PDE7B: variants seen among roughly 807,000 people sequenced by gnomAD.
PDE7B encodes the protein phosphodiesterase 7B, also known as 3',5'-cyclic-AMP phosphodiesterase 7B.
PDE7B carries 29 observed loss-of-function variants against 56.2 expected under a neutral mutation model. The observed-to-expected ratio is 0.52, with a 90% confidence interval of 0.38 to 0.70. The LOEUF (loss-of-function observed/expected upper bound fraction) is 0.70. Among genes scored for constraint, PDE7B ranks in the 30% least tolerant of loss-of-function variants. The pLI is 0.00. For synonymous variants in PDE7B, 197 were observed against 196.9 expected (o/e 1.00, Z 0.00); for missense variants, 490 against 565.0 (o/e 0.87, Z 1.35).
chr6:136,092,697 G>T (rs1777408904), intron 2 of PDE7B, among the ~76,000 whole-genome samples: 1 of 152,132 alleles, frequency 6.6e-6, no homozygotes. Flanking sequence ...GGAGGCGGAG[G>T]TTGCAGTGAG....
chr6:136,068,658 C>T (rs1365006581), intron 2 of PDE7B, among the ~76,000 whole-genome samples: 2 of 152,060 alleles, frequency 1.3e-5, no homozygotes, highest in Non-Finnish European at 1.5e-5. Flanking sequence ...GTCTCAATCT[C>T]TTGACCTTGT....
intron 2 of PDE7B, among the ~76,000 whole-genome samples, chr6:136,022,050 G>GC (rs1192786734): frequency 3.3e-5 from 5 of 152,118 alleles, no homozygotes; most frequent in Admixed American, 3.3e-4. Context: ...GCTAGTTCTT[G>GC]CTTTTGGGTC....
At chr6:136,183,277 AGTAGAAATTCTGCTTG>A (rs1779095642) in intron 11 of PDE7B, among the ~76,000 whole-genome samples, 1 of 152,028 alleles carries the variant, frequency 6.6e-6, no homozygotes, top group South Asian at 2.1e-4. Context: ...CTTATGGTCT[AGTAGAAATTCTGCTTG>A]TTTTAAGAGA....
intron 2 of PDE7B, among the ~76,000 whole-genome samples, chr6:136,054,053 A>T (rs540947883): frequency 6.6e-6 from 1 of 151,888 alleles, no homozygotes; most frequent in East Asian, 1.9e-4. Context: ...GAAGCTCTTT[A>T]GTTTAATTAG....
intron 2 of PDE7B, among the ~76,000 whole-genome samples, chr6:136,049,775 A>G (rs1388159576): frequency 6.6e-6 from 1 of 152,230 alleles, no homozygotes; most frequent in Non-Finnish European, 1.5e-5. Context: ...AGGAGTGAAG[A>G]AGAGTGGGAA....
intron 6 of PDE7B, among the ~76,000 whole-genome samples, chr6:136,152,140 C>G (rs764954906): frequency 1.3e-5 from 2 of 151,994 alleles, no homozygotes; most frequent in African/African-American, 4.8e-5. Flanking sequence ...AGTGGACTCA[C>G]GTGGTTTAAA....
At chr6:135,915,224 T>A (rs766423710) in intron 1 of PDE7B, among the ~76,000 whole-genome samples, 49 of 152,250 alleles carry the variant, frequency 3.2e-4, no homozygotes, top group Non-Finnish European at 4.7e-4. Context: ...GAGTTTTGTC[T>A]GTCACATATA....
At chr6:135,906,441 C>T (rs188458552) in intron 1 of PDE7B, among the ~76,000 whole-genome samples, 271 of 152,272 alleles carry the variant, frequency 1.8e-3, no homozygotes, top group Non-Finnish European at 3.4e-3. Flanking sequence ...TCCCATCAGT[C>T]GAGGTCTCAG....
chr6:136,147,371 A>G lies in PDE7B; in HGVS notation c.187A>G (p.Ile63Val). The G allele has an allele frequency of 6.2e-7, 1 of 1,612,816 alleles. No individual in the cohort carries two copies. The highest frequency in any genetic ancestry group is 8.5e-7 in the Non-Finnish European group (1 of 1,178,938). The change falls in exon 4 of 13, where the codon ATT becomes GTT. Residue 63 changes from isoleucine to valine, a missense_variant. By Grantham distance (29) the Ile-to-Val change is conservative. Coordinates refer to ENST00000308191, the MANE Select transcript of PDE7B (RefSeq NM_018945.4). ...LLNSTTYSGEIGTKKKVKRLL... is the reference protein window; with the variant it reads ...LLNSTTYSGEVGTKKKVKRLL... ...CACAGGTACAACATACTCAGGGGAG[A>G]TTGGCACCAAGAAAAAGGTGAAAAG...
At chr6:135,894,033 C>T (rs1032553173) in intron 1 of PDE7B, among the ~76,000 whole-genome samples, 2 of 152,086 alleles carry the variant, frequency 1.3e-5, no homozygotes, top group African/African-American at 4.8e-5. Flanking sequence ...ATTGAATAGG[C>T]CACTAAGGTG....
chr6:135,963,077 CTG>C (rs1284116551), intron 2 of PDE7B, among the ~76,000 whole-genome samples: 1 of 152,176 alleles, frequency 6.6e-6, no homozygotes, highest in East Asian at 1.9e-4. Context: ...GAACAAAACA[CTG>C]TGGAACTTTC....
At chr6:136,024,890 A>C (rs62429937) in intron 2 of PDE7B, among the ~76,000 whole-genome samples, 3,260 of 152,310 alleles carry the variant, frequency 0.021, 48 homozygotes, top group Non-Finnish European at 0.034. Context: ...AGAAAGTTGC[A>C]ACAACTGGGT....
intron 1 of PDE7B, among the ~76,000 whole-genome samples, chr6:135,900,409 C>T (rs1013832818): frequency 6.6e-6 from 1 of 152,060 alleles, no homozygotes; most frequent in East Asian, 1.9e-4. Context: ...TAGCTACATT[C>T]CTAAAGATTT....
At chr6:136,046,347 C>A (rs1198975366) in intron 2 of PDE7B, 1 of 152,224 alleles carries the variant, frequency 6.6e-6, no homozygotes, top group Non-Finnish European at 1.5e-5. Flanking sequence ...GTCTCTTCTT[C>A]AACCAAGAAA....
intron 1 of PDE7B, among the ~76,000 whole-genome samples, chr6:135,888,461 TGTGTGCATGTATAACACCTTAAATAG>T (rs1414301429): frequency 2.0e-5 from 3 of 152,166 alleles, no homozygotes; most frequent in South Asian, 2.1e-4. Flanking sequence ...CGTGTGTGTG[TGTGTGCATGTATAACACCTTAAATAG>T]GTGTGCATGT....
intron 1 of PDE7B, among the ~76,000 whole-genome samples, chr6:135,926,420 G>A (rs1774191264): frequency 6.6e-6 from 1 of 151,998 alleles, no homozygotes; most frequent in South Asian, 2.1e-4. Context: ...GCTTGAGGAA[G>A]AGTGGGCGGT....
intron 1 of PDE7B, among the ~76,000 whole-genome samples, chr6:135,887,184 T>A (rs1402721696): frequency 6.6e-6 from 1 of 152,192 alleles, no homozygotes; most frequent in Admixed American, 6.6e-5. Flanking sequence ...CCTATTCATG[T>A]CCTTTGCCCA....
intron 2 of PDE7B, among the ~76,000 whole-genome samples, chr6:135,953,861 G>A (rs899630753): frequency 6.6e-6 from 1 of 152,124 alleles, no homozygotes; most frequent in Admixed American, 6.6e-5. Flanking sequence ...CAAGTTGCTC[G>A]ATTTTGATTT....
chr6:136,050,200 G>A (rs970089098), intron 2 of PDE7B, among the ~76,000 whole-genome samples: 1 of 152,142 alleles, frequency 6.6e-6, no homozygotes. Flanking sequence ...TCCGTGATGC[G>A]TGATGGCACT....
Sources: gnomAD v4.1 joint callset for allele counts (sites outside exome capture counted in the v4.1 genomes callset) on GRCh38, gnomAD v4.1.1 for gene constraint, MANE v1.5 for transcripts, NCBI Gene and HGNC (gene_info 2026-07-23, HGNC 2026-07-21) for gene names.